DLGAP4: variants seen among roughly 807,000 people sequenced by gnomAD.
The protein encoded by DLGAP4 is disks large-associated protein 4.
A neutral mutation model predicts 86.9 loss-of-function variants in DLGAP4; 18 were observed. That is an observed-to-expected ratio of 0.21 (90% CI 0.14 to 0.31). The LOEUF is 0.31. Ranked by LOEUF, DLGAP4 falls within the 10% of genes least tolerant of loss-of-function variation. The pLI, the probability that DLGAP4 is intolerant of heterozygous loss-of-function variation, is 1.00. For missense variants in DLGAP4, 1,085 were observed against 1,362.6 expected, an observed-to-expected ratio of 0.80 and a Z score of 3.21; for synonymous variants, 548 against 574.3, an observed-to-expected ratio of 0.95 and a Z score of 0.65.
intron 1 of DLGAP4, among the ~76,000 whole-genome samples, chr20:36,333,982 C>T (rs1223220089): frequency 2.6e-5 from 4 of 152,250 alleles, no homozygotes; most frequent in Non-Finnish European, 5.9e-5. Context: ...ACCCACAACC[C>T]ACAGGGGTGA....
intron 1 of DLGAP4, among the ~76,000 whole-genome samples, chr20:36,310,602 C>G (rs1432499462): frequency 6.6e-6 from 1 of 152,160 alleles, no homozygotes; most frequent in Non-Finnish European, 1.5e-5. Flanking sequence ...ATTTTCTGGA[C>G]AAGGAAACTG....
chr20:36,337,330 G>A (rs1401090075), intron 1 of DLGAP4, among the ~76,000 whole-genome samples: 1 of 152,054 alleles, frequency 6.6e-6, no homozygotes, highest in African/African-American at 2.4e-5. Context: ...AGGCTGTGGA[G>A]GGGGATGGGA....
chr20:36,520,255 T>TTA (rs370414314), intron 10 of DLGAP4, among the ~76,000 whole-genome samples: 159 of 151,970 alleles, frequency 1.0e-3, no homozygotes, highest in Middle Eastern at 6.8e-3. Flanking sequence ...TAGGGAATTC[T>TTA]TATATATATA....
At chr20:36,416,458 C>T (rs2032656759) in intron 2 of DLGAP4, among the ~76,000 whole-genome samples, 1 of 152,226 alleles carries the variant, frequency 6.6e-6, no homozygotes. Context: ...CAGCACTAAC[C>T]ATCGGGGACT....
intron 1 of DLGAP4, among the ~76,000 whole-genome samples, chr20:36,334,249 G>A (rs1425579511): frequency 2.0e-5 from 3 of 152,184 alleles, no homozygotes; most frequent in Admixed American, 1.3e-4. Context: ...GGCCTCTGGG[G>A]GCTGGGAGAG....
chr20:36,370,185 G>A (rs752681157), intron 2 of DLGAP4, among the ~76,000 whole-genome samples: 25 of 152,140 alleles, frequency 1.6e-4, no homozygotes, highest in Non-Finnish European at 3.1e-4. Context: ...AGGGGACAGA[G>A]CAGAGCATTT....
At chr20:36,452,446 C>T (rs1304300068) in intron 7 of DLGAP4, among the ~76,000 whole-genome samples, 3 of 152,030 alleles carry the variant, frequency 2.0e-5, no homozygotes. Flanking sequence ...TTCTAAAGTA[C>T]TGGGATTACA....
At chr20:36,484,283 A>G (rs1199318663) in intron 7 of DLGAP4, among the ~76,000 whole-genome samples, 1 of 152,226 alleles carries the variant, frequency 6.6e-6, no homozygotes, top group Admixed American at 6.5e-5. Flanking sequence ...GACAGCCAGC[A>G]GACAGCTTCC....
intron 12 of DLGAP4, 179 bp downstream of exon 12, chr20:36,526,185 C>A: frequency 1.1e-6 from 1 of 873,806 alleles, no homozygotes; most frequent in South Asian, 1.5e-5. Flanking sequence ...GCCGCTTGCT[C>A]CGTGTAGTTG....
At chr20:36,457,460 C>A (rs1330774233) in intron 7 of DLGAP4, among the ~76,000 whole-genome samples, 1 of 150,286 alleles carries the variant, frequency 6.7e-6, no homozygotes, top group South Asian at 2.1e-4. Context: ...CTGCAATGTC[C>A]GCCTCCCTGG....
chr20:36,372,992 AT>A (rs1042937217), intron 2 of DLGAP4, among the ~76,000 whole-genome samples: 7 of 151,168 alleles, frequency 4.6e-5, no homozygotes, highest in East Asian at 1.9e-4. Flanking sequence ...GTATCTACTG[AT>A]TTTTTTTTCA....
At chr20:36,351,336 G>A (rs1170776789) in intron 1 of DLGAP4, among the ~76,000 whole-genome samples, 1 of 152,238 alleles carries the variant, frequency 6.6e-6, no homozygotes, top group Non-Finnish European at 1.5e-5. Flanking sequence ...ACAGCAGGAA[G>A]TGAGTGGCGG....
At chr20:36,406,379 C>T (rs966518178) in intron 2 of DLGAP4, among the ~76,000 whole-genome samples, 2 of 130,548 alleles carry the variant, frequency 1.5e-5, no homozygotes, top group East Asian at 2.2e-4. Flanking sequence ...ACCTGGGTGA[C>T]AGAGCGAGAC....
At chr20:36,456,957 G>C (rs1399018461) in intron 7 of DLGAP4, among the ~76,000 whole-genome samples, 1 of 152,236 alleles carries the variant, frequency 6.6e-6, no homozygotes, top group Non-Finnish European at 1.5e-5. Context: ...TTCACTGATA[G>C]ATGTTTATTG....
rs971039880 is a variant in DLGAP4 at position 36,393,297 on chromosome 20, C to T, written c.-73+26022C>T. The stretch of plus-strand genomic sequence containing the variant: ...GCAAGACTGGAAGTGCCTCCTTAGC[C>T]TGGGGTCAGAGAGGCCTGGGTGAGA... On this transcript the variant is annotated intron_variant, in intron 2 of 12. Transcript: ENST00000339266. The surrounding 1 kb of genome is among the most constrained non-coding windows in gnomAD (Gnocchi z 4.4). 6.6e-6 allele frequency among the ~76,000 whole-genome samples: 1 copy of T among 152,068 alleles called. No individual in the cohort carries two copies. The highest frequency in any genetic ancestry group is 2.4e-5 in the African/African-American group (1 of 41,384).
chr20:36,474,172 G>A (rs556020929), intron 7 of DLGAP4, among the ~76,000 whole-genome samples: 1 of 152,232 alleles, frequency 6.6e-6, no homozygotes, highest in Non-Finnish European at 1.5e-5. Context: ...ACTTGAAATA[G>A]CCAAAAACTG....
chr20:36,330,705 T>G (rs970011596), intron 1 of DLGAP4, among the ~76,000 whole-genome samples: 1 of 151,946 alleles, frequency 6.6e-6, no homozygotes, highest in Admixed American at 6.6e-5. Context: ...CCCGAGTAGC[T>G]GGGACTATAG....
intron 7 of DLGAP4, among the ~76,000 whole-genome samples, chr20:36,449,094 C>CT (rs2033670271): frequency 6.6e-6 from 1 of 152,204 alleles, no homozygotes; most frequent in Non-Finnish European, 1.5e-5. Flanking sequence ...AGGGAGGTGT[C>CT]GTCTGGCATC....
chr20:36,499,886 C>T (rs547068348), intron 9 of DLGAP4, among the ~76,000 whole-genome samples: 5 of 152,314 alleles, frequency 3.3e-5, no homozygotes, highest in African/African-American at 7.2e-5. Flanking sequence ...CAGTCACCCA[C>T]GGGGGCCATG....
Sources: gnomAD v4.1 joint callset for allele counts (sites outside exome capture counted in the v4.1 genomes callset) on GRCh38, gnomAD v4.1.1 for gene constraint, Gnocchi (gnomAD v3.1) non-coding constraint, MANE v1.5 for transcripts, NCBI Gene and HGNC (gene_info 2026-07-23, HGNC 2026-07-21) for gene names.